COL23A1: variants seen among roughly 807,000 people sequenced by gnomAD.
The protein encoded by COL23A1 is collagen type XXIII alpha 1 chain, also known as collagen alpha-1(XXIII) chain.
Under a neutral mutation model 99.3 loss-of-function variants are expected in COL23A1, and 97 were observed. The observed-to-expected ratio is 0.98, with a 90% CI of 0.83 to 1.16. The LOEUF (loss-of-function observed/expected upper bound fraction) is 1.16. COL23A1 is among the 50% of genes most tolerant of loss of function. The pLI is 0.00. For synonymous variants in COL23A1, 320 were observed against 308.2 expected, an observed-to-expected ratio of 1.04 and a Z score of -0.40; for missense variants, 762 against 757.4, an observed-to-expected ratio of 1.01 and a Z score of -0.07.
chr5:178,535,668 G>GT (rs1373132392), intron 2 of COL23A1, among the ~76,000 whole-genome samples: 1 of 152,238 alleles, frequency 6.6e-6, no homozygotes, highest in African/African-American at 2.4e-5. Context: ...GGGGTGGGAC[G>GT]TGACTCCAGG....
At chr5:178,530,723 G>A (rs939191139) in intron 2 of COL23A1, among the ~76,000 whole-genome samples, 12 of 152,280 alleles carry the variant, frequency 7.9e-5, no homozygotes, top group African/African-American at 1.7e-4. Context: ...ACCATCCAGC[G>A]TAACCTGCCA....
At chr5:178,518,661 T>TG (rs1486869915) in intron 2 of COL23A1, among the ~76,000 whole-genome samples, 297 of 106,560 alleles carry the variant, frequency 2.8e-3, no homozygotes, top group African/African-American at 0.011. Flanking sequence ...CTAGATGGGA[T>TG]GGCGGCCGGG....
rs1397809518 is a variant in COL23A1, at chr5:178,588,540, T to C, written c.294+1364A>G. Among the ~76,000 whole-genome samples the C allele has an allele frequency of 3.9e-5, 6 of 152,334 alleles. No individual in the cohort carries two copies. The East Asian group carries it at 1.2e-3, about 29-fold the overall frequency. On this transcript the variant is annotated intron_variant, in intron 1 of 28. Transcript: ENST00000390654. Reference sequence around the variant, plus strand: ...TTTGCCAAAAGCTAATGGGCGGCAATTATGAAACCATCGCCAGGAGTTTCC... The same window carrying C: ...TTTGCCAAAAGCTAATGGGCGGCAACTATGAAACCATCGCCAGGAGTTTCC...
chr5:178,521,667 C>A lies in COL23A1; in HGVS notation c.361+39015G>T, dbSNP rs552437815. On this transcript the variant is annotated intron_variant, in intron 2 of 28. Coordinates refer to ENST00000390654, the MANE Select transcript of COL23A1 (RefSeq NM_173465.4). ...TCTAACCATGCAATGGAATATTATTCAGCCATGAAAAGGAATGAAGCACTG... is the reference window on the plus strand; with the variant it reads ...TCTAACCATGCAATGGAATATTATTAAGCCATGAAAAGGAATGAAGCACTG... 2.0e-5 allele frequency among the ~76,000 whole-genome samples: 3 copies of A among 152,124 alleles called. No individual in the cohort carries two copies. The South Asian group carries it at 6.2e-4, about 32-fold the overall frequency.
chr5:178,266,950 T>A (rs1206085819), intron 8 of COL23A1, among the ~76,000 whole-genome samples: 2 of 152,266 alleles, frequency 1.3e-5, no homozygotes, highest in Non-Finnish European at 2.9e-5. Flanking sequence ...GTGGCAGAGC[T>A]GAGCTTTGAG....
intron 2 of COL23A1, among the ~76,000 whole-genome samples, chr5:178,423,531 G>A (rs1372716674): frequency 6.6e-6 from 1 of 152,172 alleles, no homozygotes; most frequent in Non-Finnish European, 1.5e-5. Context: ...GCTGAGCCGC[G>A]ATGCTCGATA....
Position 178,589,936 on chromosome 5 carries a change from C to T in COL23A1, c.262G>A (p.Ala88Thr). ...AGCAGGCGCTCCAGGTGCGGCTCGGCCCAGGCGTCCAGGGCGCCTGGCGGC... is the reference window on the plus strand; with the variant it reads ...AGCAGGCGCTCCAGGTGCGGCTCGGTCCAGGCGTCCAGGGCGCCTGGCGGC... ...AGPPGALDAW[A>T]EPHLERLLRE... is the part of the protein sequence containing the mutation. The change falls in exon 1 of 29, where the codon GCC becomes ACC. Residue 88 changes from alanine (A) to threonine (T), a missense_variant. By Grantham distance (58) the Ala-to-Thr change is moderately conservative. Coordinates refer to ENST00000390654, the MANE Select transcript of COL23A1 (RefSeq NM_173465.4). This position sits in a 1 kb window ranked among gnomAD's most constrained non-coding sequence, Gnocchi z 5.4. The T allele has an allele frequency of 7.5e-7, 1 of 1,330,820 alleles. No homozygotes were observed. 82.4% of individuals were successfully genotyped at this position (1,330,820 alleles called of 1,614,324 possible).
At chr5:178,400,162 C>G (rs538160631) in intron 2 of COL23A1, among the ~76,000 whole-genome samples, 13 of 151,918 alleles carry the variant, frequency 8.6e-5, no homozygotes, top group Non-Finnish European at 1.8e-4. Context: ...GTCAGGAGAT[C>G]GAGACCATCC....
intron 18 of COL23A1, among the ~76,000 whole-genome samples, chr5:178,249,716 ACTCT>A (rs59946818): frequency 0.022 from 2,027 of 92,694 alleles, 35 homozygotes; most frequent in Admixed American, 0.068. Context: ...ACACACACAC[ACTCT>A]CTCTCTCTCT....
At chr5:178,452,481 AT>A (rs1362948450) in intron 2 of COL23A1, among the ~76,000 whole-genome samples, 2 of 152,252 alleles carry the variant, frequency 1.3e-5, no homozygotes, top group Non-Finnish European at 2.9e-5. Context: ...GAAAAGACTG[AT>A]AAAATGGCCT....
At chr5:178,369,467 G>T (rs1762682313) in intron 2 of COL23A1, among the ~76,000 whole-genome samples, 5 of 152,202 alleles carry the variant, frequency 3.3e-5, no homozygotes, top group Admixed American at 2.6e-4. Context: ...AAAGCACTCA[G>T]AGAAATTACA....
chr5:178,354,375 A>T (rs1385742882), intron 2 of COL23A1, among the ~76,000 whole-genome samples: 2 of 151,840 alleles, frequency 1.3e-5, no homozygotes, highest in African/African-American at 2.4e-5. Flanking sequence ...TGCCCTGCTA[A>T]TTTTTTTTAC....
chr5:178,543,631 G>A (rs557526958), intron 2 of COL23A1, among the ~76,000 whole-genome samples: 36 of 152,254 alleles, frequency 2.4e-4, no homozygotes, highest in African/African-American at 7.9e-4. Flanking sequence ...GGTGTTGTGG[G>A]TGGCGGAGGC....
intron 25 of COL23A1, 113 bp from the exon 26 acceptor site, chr5:178,242,507 T>C (rs957185294): frequency 4.8e-6 from 5 of 1,052,490 alleles, no homozygotes; most frequent in African/African-American, 4.7e-5. Context: ...CCCCTGCATA[T>C]TCGTGGCACA....
At chr5:178,337,972 T>C (rs1350880747) in intron 2 of COL23A1, among the ~76,000 whole-genome samples, 1 of 152,188 alleles carries the variant, frequency 6.6e-6, no homozygotes, top group Non-Finnish European at 1.5e-5. Context: ...GTTTTGCGTG[T>C]ATCATTTCAC....
At chr5:178,358,733 ATGTGTATCTGTG>A (rs879550397) in intron 2 of COL23A1, among the ~76,000 whole-genome samples, 19,167 of 122,040 alleles carry the variant, frequency 0.16, 1,283 homozygotes, top group Non-Finnish European at 0.18. Flanking sequence ...GTATGTGTGT[ATGTGTATCTGTG>A]TGTGTATCTG....
intron 2 of COL23A1, among the ~76,000 whole-genome samples, chr5:178,329,201 A>G (rs2127641860): frequency 6.6e-6 from 1 of 152,366 alleles, no homozygotes; most frequent in South Asian, 2.1e-4. Context: ...TCGTGAAACA[A>G]ATTTATTCCC....
chr5:178,365,938 A>G lies in COL23A1; in HGVS notation c.362-59019T>C, dbSNP rs185036994. Among the ~76,000 whole-genome samples, 303 of 152,130 alleles carry G rather than the reference A, an allele frequency of 2.0e-3. No individual in the cohort carries two copies. Among genetic ancestry groups the G allele is most frequent in the African/African-American group, 6.8e-3 (281 of 41,502 alleles). ...AAGGGGGGATGGTCAAGCGCACCACAGGCTTGGAAGCAGACACGCCCAGTT... is the reference window on the plus strand; with the variant it reads ...AAGGGGGGATGGTCAAGCGCACCACGGGCTTGGAAGCAGACACGCCCAGTT... On this transcript the variant is annotated intron_variant, in intron 2 of 28. Coordinates refer to ENST00000390654, the MANE Select transcript of COL23A1 (RefSeq NM_173465.4). This position sits in a 1 kb window ranked among gnomAD's most constrained non-coding sequence, Gnocchi z 5.2.
At chr5:178,331,734 G>A (rs1760033962) in intron 2 of COL23A1, among the ~76,000 whole-genome samples, 1 of 152,196 alleles carries the variant, frequency 6.6e-6, no homozygotes, top group Non-Finnish European at 1.5e-5. Context: ...TTTAATCCCA[G>A]CTGTTATCAG....
Sources: gnomAD v4.1 joint callset for allele counts (sites outside exome capture counted in the v4.1 genomes callset) on GRCh38, gnomAD v4.1.1 for gene constraint, Gnocchi (gnomAD v3.1) non-coding constraint, MANE v1.5 for transcripts, NCBI Gene and HGNC (gene_info 2026-07-23, HGNC 2026-07-21) for gene names.